The following ZC3H12B variants were observed in gnomAD, a reference collection of about 807,000 sequenced individuals.
ZC3H12B encodes probable ribonuclease ZC3H12B.
Under a neutral mutation model 43.9 loss-of-function variants are expected in ZC3H12B, and 7 were observed. That is an observed-to-expected ratio of 0.16 (90% confidence interval 0.09 to 0.30). The LOEUF (loss-of-function observed/expected upper bound fraction) is 0.30, where lower values mean the gene tolerates loss of function less well. ZC3H12B is among the 10% of genes least tolerant of loss of function. The probability of loss-of-function intolerance (pLI) is 1.00; values close to 1 mark genes in which losing one functional copy is unlikely to be tolerated. For synonymous variants in ZC3H12B, 222 were observed against 241.7 expected (o/e 0.92, Z 0.76); for missense variants, 475 against 670.2 (o/e 0.71, Z 3.22).
the ZC3H12B span, among the ~76,000 whole-genome samples, chrX:65,086,514 C>A: frequency 5.4e-5 from 6 of 111,604 alleles, no homozygotes; most frequent in Non-Finnish European, 9.4e-5. Context: ...TATGTTGAAA[C>A]CTAATTACTG....
chrX:65,100,853 A>G, the ZC3H12B span, among the ~76,000 whole-genome samples: 1 of 111,209 alleles, frequency 9.0e-6, no homozygotes, highest in African/African-American at 3.3e-5. Flanking sequence ...CAAAATTAAC[A>G]AGGCTATTCA....
chrX:65,402,241 AGAAG>A (rs1420136027), intron 3 of ZC3H12B, among the ~76,000 whole-genome samples: 1 of 111,855 alleles, frequency 8.9e-6, no homozygotes, highest in Non-Finnish European at 1.9e-5. Context: ...TTTGGAAAGG[AGAAG>A]GAAGAGTTGA....
chrX:65,167,997 T>C, the ZC3H12B span, among the ~76,000 whole-genome samples: 16 of 111,950 alleles, frequency 1.4e-4, no homozygotes, highest in East Asian at 4.5e-3. Flanking sequence ...ACAATTTGAC[T>C]TCCTTTTTTC....
intron 3 of ZC3H12B, among the ~76,000 whole-genome samples, chrX:65,411,819 AT>A (rs948637622): frequency 9.1e-6 from 1 of 109,993 alleles, no homozygotes; most frequent in Non-Finnish European, 1.9e-5. Context: ...TGGACGCCAC[AT>A]TTTTTATAAT....
the ZC3H12B span, among the ~76,000 whole-genome samples, chrX:65,155,104 C>T: frequency 9.1e-6 from 1 of 109,633 alleles, no homozygotes; most frequent in African/African-American, 3.3e-5. Flanking sequence ...TACAGACATG[C>T]AACCACCAAA....
chrX:65,206,399 CAT>C, the ZC3H12B span, among the ~76,000 whole-genome samples: 2 of 111,741 alleles, frequency 1.8e-5, no homozygotes, highest in Non-Finnish European at 3.8e-5. Context: ...GCAACAAAAA[CAT>C]AAAGTAGGGA....
At chrX:65,501,224 ACTG>A (rs1440329651) in intron 4 of ZC3H12B, among the ~76,000 whole-genome samples, 1 of 105,407 alleles carries the variant, frequency 9.5e-6, no homozygotes. Flanking sequence ...AAAAATTAAA[ACTG>A]CTCAGCTTTA....
At chrX:65,130,032 G>A in the ZC3H12B span, among the ~76,000 whole-genome samples, 77 of 111,743 alleles carry the variant, frequency 6.9e-4, no homozygotes, top group Middle Eastern at 4.6e-3. Context: ...ACTAAGAATT[G>A]GGAGGACCCA....
the ZC3H12B span, among the ~76,000 whole-genome samples, chrX:65,073,307 G>A: frequency 2.3e-3 from 256 of 112,613 alleles, 2 homozygotes; most frequent in African/African-American, 7.7e-3. Flanking sequence ...GTAGGAAGCT[G>A]CAGTGGAGTG....
chrX:65,288,392 A>T, the ZC3H12B span, among the ~76,000 whole-genome samples: 1 of 112,058 alleles, frequency 8.9e-6, no homozygotes, highest in Non-Finnish European at 1.9e-5. Flanking sequence ...ATGAATAAAG[A>T]TGCTAAAATT....
At position 65,489,418 on chromosome X, in the gene ZC3H12B, G is replaced by A; in HGVS notation, c.608+9G>A. 8.6e-7 allele frequency: 1 copy of A among 1,164,000 alleles called. No homozygotes were observed. The highest frequency in any genetic ancestry group is 1.1e-6 in the Non-Finnish European group (1 of 874,605). ...AGTAATGTGGCAATGAGGTAAGCCT[G>A]GTATGTTTTTTTCTCCCATTTTAAA... is the stretch of plus-strand genomic sequence containing the variant. On this transcript the variant is annotated intron_variant, in intron 1 of 4. Coordinates refer to ENST00000338957, the Ensembl canonical transcript of ZC3H12B.
At chrX:65,164,348 G>C in the ZC3H12B span, among the ~76,000 whole-genome samples, 2 of 111,336 alleles carry the variant, frequency 1.8e-5, no homozygotes, top group Admixed American at 9.6e-5. Context: ...GGTGGTATCA[G>C]CTGATCCATC....
At chrX:65,248,642 T>C in the ZC3H12B span, among the ~76,000 whole-genome samples, 11 of 111,898 alleles carry the variant, frequency 9.8e-5, no homozygotes, top group East Asian at 8.4e-4. Context: ...TTTAGTTCTT[T>C]AAGGAATCTT....
the ZC3H12B span, among the ~76,000 whole-genome samples, chrX:65,267,989 C>T: frequency 9.1e-6 from 1 of 110,065 alleles, no homozygotes; most frequent in African/African-American, 3.3e-5. Flanking sequence ...TGAGTTGGTT[C>T]TTTGAAAAAC....
the ZC3H12B span, among the ~76,000 whole-genome samples, chrX:65,151,074 TTTG>T: frequency 1.8e-5 from 2 of 112,534 alleles, no homozygotes; most frequent in Non-Finnish European, 3.7e-5. Context: ...CATTTATAAT[TTTG>T]TTTTTATAAC....
At chrX:65,203,335 G>C in the ZC3H12B span, among the ~76,000 whole-genome samples, 11 of 111,430 alleles carry the variant, frequency 9.9e-5, no homozygotes, top group African/African-American at 1.6e-4. Flanking sequence ...AAAATGTTCT[G>C]TGTTACACCT....
At chrX:65,250,443 T>G in the ZC3H12B span, among the ~76,000 whole-genome samples, 1 of 111,684 alleles carries the variant, frequency 9.0e-6, no homozygotes, top group Non-Finnish European at 1.9e-5. Flanking sequence ...ATCCTTTGGG[T>G]ATATACTCAA....
the ZC3H12B span, among the ~76,000 whole-genome samples, chrX:65,286,380 G>A: frequency 2.7e-5 from 3 of 111,305 alleles, no homozygotes; most frequent in African/African-American, 9.8e-5. Flanking sequence ...ACATAAAGAT[G>A]GGAACAACAG....
At chrX:65,199,618 C>T in the ZC3H12B span, among the ~76,000 whole-genome samples, 1 of 110,454 alleles carries the variant, frequency 9.1e-6, no homozygotes, top group African/African-American at 3.3e-5. Context: ...CCCAACAGGT[C>T]CCAGTCTGTG....
Sources: gnomAD v4.1 joint callset for allele counts (sites outside exome capture counted in the v4.1 genomes callset) on GRCh38, gnomAD v4.1.1 for gene constraint, MANE v1.5 for transcripts, NCBI Gene and HGNC (gene_info 2026-07-23, HGNC 2026-07-21) for gene names.